The following ENAH variants were observed in gnomAD, a reference collection of about 807,000 sequenced individuals.
The protein encoded by ENAH is protein enabled homolog.
Under a neutral mutation model 78.7 loss-of-function variants are expected in ENAH, and 23 were observed. The ratio of observed to expected loss-of-function variants is 0.29; its 90% CI spans 0.21 to 0.41. The LOEUF (loss-of-function observed/expected upper bound fraction) is 0.41, where lower values mean the gene tolerates loss of function less well. Ranked by LOEUF, ENAH falls within the 10% of genes least tolerant of loss-of-function variation. The pLI is 1.00. For missense variants in ENAH, 544 were observed against 691.0 expected (o/e 0.79, Z 2.39); for synonymous variants, 226 against 241.0 (o/e 0.94, Z 0.58).
Position 225,535,795 on chromosome 1 carries a change from T to C in ENAH, c.350-5157A>G, listed in dbSNP as rs143821516. Reference sequence around the variant, plus strand: ...GGTGGAAAAACCCTGTAAGCAGCCATAGATCAAATGATGCACTTATAACTT... The same window carrying C: ...GGTGGAAAAACCCTGTAAGCAGCCACAGATCAAATGATGCACTTATAACTT... On this transcript the variant is annotated intron_variant, in intron 3 of 13. Coordinates refer to ENST00000366843, the MANE Select transcript of ENAH (RefSeq NM_018212.6). Among the ~76,000 whole-genome samples the C allele has an allele frequency of 1.6e-4, 24 of 152,242 alleles. No homozygotes were observed. In the East Asian group the frequency reaches 2.3e-3, roughly 15 times the overall value.
In ENAH at chr1:225,496,212, C is replaced by T. The variant is rs1336710929; in HGVS notation, c.*1563G>A. 1.3e-5 allele frequency: 2 copies of T among 152,602 alleles called. No individual in the cohort carries two copies. The highest frequency in any genetic ancestry group is 3.9e-4 in the East Asian group (2 of 5,190). 9.5% of individuals were successfully genotyped at this position (152,602 alleles called of 1,614,324 possible). The stretch of plus-strand genomic sequence containing the variant: ...CATTCCAACATGTAGGATTTCTCCC[C>T]TATTTTAACCTTACCAGTTTCAAAG... On this transcript the variant is annotated 3_prime_UTR_variant, in exon 14 of 14. Transcript: ENST00000366843.
intron 8 of ENAH, 36 bp from the exon 9 acceptor site, chr1:225,512,750 ATC>A (rs1209679429): frequency 1.2e-6 from 2 of 1,611,420 alleles, no homozygotes; most frequent in East Asian, 4.5e-5. Flanking sequence ...TAAAAATATT[ATC>A]TGATTCAGTA....
At position 225,652,748 on chromosome 1, in the gene ENAH, G is replaced by A. The variant is rs902218456; in HGVS notation, c.-58C>T. On this transcript the variant is annotated 5_prime_UTR_variant, in exon 1 of 14. Coordinates refer to ENST00000366843, the MANE Select transcript of ENAH (RefSeq NM_018212.6). ...CGGGAGACGCAGAAGGCGCCGAGCC[G>A]AGGGGGGGGTCTCTCCTCCAGGGGT... The A allele has an allele frequency of 4.6e-6, 6 of 1,299,590 alleles. No individual in the cohort carries two copies. In the African/African-American group the frequency reaches 4.6e-5, roughly 10 times the overall value. The allele number at this position is 1,299,590 out of a possible 1,614,324, so 80.5% of individuals were successfully genotyped here.
At chr1:225,641,126 G>A (rs1660979213) in intron 1 of ENAH, among the ~76,000 whole-genome samples, 1 of 151,798 alleles carries the variant, frequency 6.6e-6, no homozygotes. Context: ...GCCTCCCAAA[G>A]TGCTGGGATT....
intron 11 of ENAH, 82 bp from the exon 12 acceptor site, chr1:225,501,152 C>G (rs926825478): frequency 2.0e-6 from 2 of 997,160 alleles, no homozygotes; most frequent in East Asian, 5.1e-5. Context: ...ATTTACCAAC[C>G]CAACACCAGA....
In ENAH at chr1:225,611,291, CA is replaced by C. The variant is rs950987813; in HGVS notation, c.5+41394del. 5.7e-4 allele frequency among the ~76,000 whole-genome samples: 83 copies of C among 146,554 alleles called. 1 individual carries two copies. The highest frequency in any genetic ancestry group is 7.0e-3 in the Middle Eastern group (2 of 284). ...CCAGCCTGGGCAACCTTGTCTCTACCAAAAAAAAAAATTTATTTATTTATTT... is the reference window on the plus strand; with the variant it reads ...CCAGCCTGGGCAACCTTGTCTCTACCAAAAAAAAAATTTATTTATTTATTT... On this transcript the variant is annotated intron_variant, in intron 1 of 13. Transcript: ENST00000366843.
chr1:225,650,872 A>AC (rs1662857887), intron 1 of ENAH, among the ~76,000 whole-genome samples: 1 of 149,808 alleles, frequency 6.7e-6, no homozygotes, highest in Non-Finnish European at 1.5e-5. Context: ...AAAAAAAAAA[A>AC]AAAAAACTTT....
intron 3 of ENAH, among the ~76,000 whole-genome samples, chr1:225,547,985 C>CT: frequency 6.6e-6 from 1 of 152,244 alleles, no homozygotes; most frequent in South Asian, 2.1e-4. Flanking sequence ...CTTACCTCCC[C>CT]TGTAAGAGGA....
chr1:225,559,892 C>T (rs1401739865), intron 2 of ENAH, among the ~76,000 whole-genome samples: 1 of 152,166 alleles, frequency 6.6e-6, no homozygotes, highest in Non-Finnish European at 1.5e-5. Context: ...AACTTCTCCA[C>T]CATCCTGGGT....
chr1:225,525,664 A>G (rs1033726225), intron 4 of ENAH, among the ~76,000 whole-genome samples: 6 of 152,170 alleles, frequency 3.9e-5, no homozygotes, highest in African/African-American at 9.7e-5. Context: ...GGATGCTGTC[A>G]TGGGTTCATC....
chr1:225,509,034 T>C (rs1376327481), intron 10 of ENAH, among the ~76,000 whole-genome samples: 1 of 152,234 alleles, frequency 6.6e-6, no homozygotes, highest in East Asian at 1.9e-4. Context: ...AAGTCATTAT[T>C]GATCTTGCTT....
intron 1 of ENAH, among the ~76,000 whole-genome samples, chr1:225,585,266 C>A (rs1446825078): frequency 1.9e-4 from 23 of 123,338 alleles, no homozygotes; most frequent in Non-Finnish European, 3.5e-4. Context: ...GAGAAAAAGA[C>A]ATTTTCACAG....
chr1:225,549,653 G>A (rs1443023917), intron 3 of ENAH, among the ~76,000 whole-genome samples: 1 of 151,330 alleles, frequency 6.6e-6, no homozygotes, highest in Non-Finnish European at 1.5e-5. Flanking sequence ...AAGATGATTG[G>A]TTATGTATAC....
chr1:225,505,072 T>A (rs1255304220), intron 11 of ENAH: 7 of 1,573,812 alleles, frequency 4.4e-6, no homozygotes, highest in Non-Finnish European at 6.1e-6. Flanking sequence ...GGGAAAACCA[T>A]TGAAAGGGAT....
chr1:225,631,825 C>T (rs1170580176), intron 1 of ENAH, among the ~76,000 whole-genome samples: 2 of 150,930 alleles, frequency 1.3e-5, no homozygotes, highest in African/African-American at 4.9e-5. Flanking sequence ...TTTTTTAATC[C>T]TAGGTAATAG....
chr1:225,558,344 C>T (rs569287879), intron 2 of ENAH, among the ~76,000 whole-genome samples: 1 of 152,124 alleles, frequency 6.6e-6, no homozygotes, highest in African/African-American at 2.4e-5. Context: ...CCAGTAGAGC[C>T]AGCTAAACAA....
chr1:225,620,838 C>G (rs1017865660), intron 1 of ENAH, among the ~76,000 whole-genome samples: 5 of 151,994 alleles, frequency 3.3e-5, no homozygotes, highest in African/African-American at 1.2e-4. Flanking sequence ...AACCCCGTAT[C>G]TACTAAAAAT....
intron 1 of ENAH, among the ~76,000 whole-genome samples, chr1:225,622,880 G>C (rs899286389): frequency 1.3e-5 from 2 of 152,140 alleles, no homozygotes; most frequent in Non-Finnish European, 2.9e-5. Flanking sequence ...ATTTGCACCA[G>C]GAAGTAACTC....
At chr1:225,555,374 A>T (rs1267739256) in intron 2 of ENAH, among the ~76,000 whole-genome samples, 2 of 152,208 alleles carry the variant, frequency 1.3e-5, no homozygotes, top group African/African-American at 4.8e-5. Flanking sequence ...TGAGGTCAGG[A>T]GATTGAGACC....
Sources: gnomAD v4.1 joint callset for allele counts (sites outside exome capture counted in the v4.1 genomes callset) on GRCh38, gnomAD v4.1.1 for gene constraint, MANE v1.5 for transcripts, NCBI Gene and HGNC (gene_info 2026-07-23, HGNC 2026-07-21) for gene names.